PKHD1L1: variants seen among roughly 807,000 people sequenced by gnomAD.
PKHD1L1 encodes fibrocystin-L.
A neutral mutation model predicts 462.9 loss-of-function variants in PKHD1L1; 434 were observed. The ratio of observed to expected loss-of-function variants is 0.94; its 90% CI spans 0.87 to 1.02. The LOEUF is 1.02. Among genes scored for constraint, PKHD1L1 ranks in the 50% least tolerant of loss-of-function variants. PKHD1L1 has a pLI of 0.00. For synonymous variants in PKHD1L1, 1,781 were observed against 1,750.0 expected (o/e 1.02, Z -0.44); for missense variants, 5,202 against 5,096.1 (o/e 1.02, Z -0.63).
intron 28 of PKHD1L1, among the ~76,000 whole-genome samples, chr8:109,433,426 G>A (rs915800263): frequency 3.9e-5 from 6 of 152,026 alleles, no homozygotes; most frequent in Non-Finnish European, 5.9e-5. Flanking sequence ...ATTGTTGTAC[G>A]GTGTCTTTAT....
rs1586581303 is a variant in PKHD1L1, at chr8:109,471,070, T to C, written c.8606-4048T>C. 3.8e-6 allele frequency: 6 copies of C among 1,570,100 alleles called. No individual in the cohort carries two copies. The East Asian group carries it at 9.0e-5, about 23-fold the overall frequency. ...CACCTTCTGCGATGAAATCTTCTCC[T>C]CAAATTCCTCATCAAACATACAGCA... On this transcript the variant is annotated intron_variant, in intron 50 of 77. Transcript: ENST00000378402.
chr8:109,411,601 G>A (rs1233720345), intron 19 of PKHD1L1, among the ~76,000 whole-genome samples: 2 of 152,004 alleles, frequency 1.3e-5, no homozygotes, highest in African/African-American at 4.8e-5. Context: ...GCATTTCCAT[G>A]CTGCACCTAA....
In PKHD1L1 at chr8:109,510,902, C is replaced by A; in HGVS notation, c.11521C>A (p.Arg3841=). ...CACTGGCACCAGTCCTCAGAATCTT[C>A]GACTGATGTTGCTTAATGTTGATCA... is the stretch of plus-strand genomic sequence containing the variant. ...YFTGTSPQNL[R]LMLLNVDHNK... The change falls in exon 71 of 78, where the codon CGA becomes AGA. Residue 3841 remains arginine, a synonymous_variant. Transcript: ENST00000378402. 6.2e-7 allele frequency: 1 copy of A among 1,613,120 alleles called. No homozygotes were observed. Among genetic ancestry groups the A allele is most frequent in the South Asian group, 1.1e-5 (1 of 91,048 alleles).
At position 109,362,572 on chromosome 8, in the gene PKHD1L1, G is replaced by T; in HGVS notation, c.-9G>T. The T allele has an allele frequency of 6.2e-7, 1 of 1,605,052 alleles. No individual in the cohort carries two copies. Among genetic ancestry groups the T allele is most frequent in the Non-Finnish European group, 8.5e-7 (1 of 1,175,864 alleles). ...CGGAGGGCACCAACTCCGCAGAACT[G>T]GCTTTTCAATGGGACACCTGTGGCT... is the stretch of plus-strand genomic sequence containing the variant. On this transcript the variant is annotated 5_prime_UTR_variant, in exon 1 of 78. Transcript: ENST00000378402.
Position 109,508,216 on chromosome 8 carries a change from CTT to C in PKHD1L1, c.11349_11350del (p.Ser3784ProfsTer11). 1 of 1,613,130 alleles carries C rather than the reference CTT, an allele frequency of 6.2e-7. No individual in the cohort carries two copies. The highest frequency in any genetic ancestry group is 8.5e-7 in the Non-Finnish European group (1 of 1,179,398). The stretch of plus-strand genomic sequence containing the variant: ...GGATCCTGACACAGAAACTCGAAGA[CTT>C]TCCCCAGTGGCTATAATGGGCAACG... ...SLDPDTETRRLSPVAIMGNGY... is the reference protein window; with the variant it reads ...SLDPDTETRRXSPVAIMGNGY... On this transcript the variant is annotated frameshift_variant, in exon 70 of 78. Transcript: ENST00000378402. LOFTEE classifies it high-confidence loss of function.
chr8:109,404,708 G>A lies in PKHD1L1; in HGVS notation c.1528G>A (p.Val510Ile). 1 of 1,599,534 alleles carries A rather than the reference G, an allele frequency of 6.3e-7. No homozygotes were observed. Among genetic ancestry groups the A allele is most frequent in the Non-Finnish European group, 8.5e-7 (1 of 1,173,336 alleles). ...IKSQSTILQE[V>I]QVITLENWET... ...ATCCCAGTCGACAATCCTCCAGGAA[G>A]TACAGGTTTGCTATGATTGCAGTTC... Residue 510 changes from valine to isoleucine, a missense_variant, in exon 15 of 78, where the codon GTA (valine) becomes ATA (isoleucine). Val to Ile is a conservative substitution (Grantham distance 29). Transcript: ENST00000378402.
chr8:109,474,073 G>A (rs781052000), intron 50 of PKHD1L1, among the ~76,000 whole-genome samples: 1 of 152,048 alleles, frequency 6.6e-6, no homozygotes. Context: ...CATACTTTAC[G>A]GGATTTTCTG....
chr8:109,423,234 T>C (rs1321578762), intron 23 of PKHD1L1, among the ~76,000 whole-genome samples: 2 of 152,110 alleles, frequency 1.3e-5, no homozygotes, highest in African/African-American at 2.4e-5. Context: ...GTCCTGAGGA[T>C]TTTTCTTTTT....
At chr8:109,489,085 T>C (rs1388979000) in intron 59 of PKHD1L1, among the ~76,000 whole-genome samples, 1 of 152,006 alleles carries the variant, frequency 6.6e-6, no homozygotes, top group Non-Finnish European at 1.5e-5. Context: ...TCATGTCTTC[T>C]CTATCATTAT....
chr8:109,449,498 A>G lies in PKHD1L1; in HGVS notation c.6175+11A>G. On this transcript the variant is annotated intron_variant, in intron 40 of 77. Coordinates refer to ENST00000378402, the MANE Select transcript of PKHD1L1 (RefSeq NM_177531.6). ...TTCCATCTAATAATGGTAAGTTGTC[A>G]GAAAAAGTAATGGCAGTCTTTGAGA... The G allele has an allele frequency of 6.4e-7, 1 of 1,569,232 alleles. No homozygotes were observed. Among genetic ancestry groups the G allele is most frequent in the Non-Finnish European group, 8.6e-7 (1 of 1,156,768 alleles).
intron 2 of PKHD1L1, among the ~76,000 whole-genome samples, chr8:109,371,590 C>A (rs1238016377): frequency 6.9e-6 from 1 of 145,738 alleles, no homozygotes. Context: ...ATGCCTATGT[C>A]CTGAATGGTA....
intron 72 of PKHD1L1, among the ~76,000 whole-genome samples, chr8:109,516,508 C>T (rs1820277601): frequency 6.6e-6 from 1 of 152,060 alleles, no homozygotes; most frequent in Non-Finnish European, 1.5e-5. Context: ...AGGCTCTCAT[C>T]TCCAAATATC....
At chr8:109,480,665 A>G (rs1480106050) in intron 55 of PKHD1L1, 1 of 449,430 alleles carries the variant, frequency 2.2e-6, no homozygotes, top group Non-Finnish European at 4.5e-6. Flanking sequence ...TTGTCCTGTC[A>G]GTCTTGTAAT....
rs1322472137 is a variant in PKHD1L1 at position 109,438,382 on chromosome 8, G to A, written c.3686G>A (p.Arg1229Lys). 5 of 1,541,948 alleles carry A rather than the reference G, an allele frequency of 3.2e-6. No homozygotes were observed. The highest frequency in any genetic ancestry group is 4.4e-6 in the Non-Finnish European group (5 of 1,139,598). The change falls in exon 31 of 78, where the codon AGG becomes AAG. Residue 1229 changes from arginine (R) to lysine (K), a missense_variant. By Grantham distance (26) the Arg-to-Lys change is conservative. Coordinates refer to ENST00000378402, the MANE Select transcript of PKHD1L1 (RefSeq NM_177531.6). ...VTTNGFQATARDAFSYNCLQT... is the reference protein window; with the variant it reads ...VTTNGFQATAKDAFSYNCLQT... ...ACCAATGGATTTCAAGCCACAGCAA[G>A]GGATGCTTTTAGTTATAATTGTTTA...
chr8:109,392,885 A>G (rs1400371558), intron 9 of PKHD1L1, among the ~76,000 whole-genome samples: 1 of 152,138 alleles, frequency 6.6e-6, no homozygotes, highest in Admixed American at 6.5e-5. Context: ...CCCCAAGTTC[A>G]AACAACAGCT....
At chr8:109,375,453 C>G (rs1437393131) in intron 2 of PKHD1L1, among the ~76,000 whole-genome samples, 2 of 152,108 alleles carry the variant, frequency 1.3e-5, no homozygotes, top group African/African-American at 4.8e-5. Context: ...CGAACTTCCT[C>G]CTTTAGCTCG....
At chr8:109,416,270 CAT>C (rs10591969) in intron 21 of PKHD1L1, among the ~76,000 whole-genome samples, 5,667 of 152,204 alleles carry the variant, frequency 0.037, 306 homozygotes, top group African/African-American at 0.11. Flanking sequence ...AATATCTACA[CAT>C]GTTTCCACAG....
chr8:109,459,930 C>T (rs2130814849), intron 47 of PKHD1L1, 94 bp downstream of exon 47: 2 of 1,038,318 alleles, frequency 1.9e-6, no homozygotes, highest in Non-Finnish European at 2.6e-6. Flanking sequence ...CAATGTATTT[C>T]ATTGTAAATA....
chr8:109,421,513 T>C (rs1814463012), intron 23 of PKHD1L1, among the ~76,000 whole-genome samples: 1 of 152,208 alleles, frequency 6.6e-6, no homozygotes, highest in Non-Finnish European at 1.5e-5. Flanking sequence ...CCGGGCGCGG[T>C]GGCTCACGCC....
Sources: allele counts gnomAD v4.1 joint callset (sites outside exome capture counted in the v4.1 genomes callset), GRCh38; gene constraint gnomAD v4.1.1; transcripts MANE v1.5; gene names NCBI Gene and HGNC (gene_info 2026-07-23, HGNC 2026-07-21).